BMPER: variants seen among roughly 807,000 people sequenced by gnomAD.
BMPER encodes the protein BMP-binding endothelial regulator protein.
In BMPER, 45 loss-of-function variants were observed where a neutral mutation model predicts 87.3. That is an observed-to-expected ratio of 0.52 (90% CI 0.41 to 0.66). BMPER has a LOEUF of 0.66. BMPER is among the 30% of genes least tolerant of loss of function. The pLI, the probability that BMPER is intolerant of heterozygous loss-of-function variation, is 0.00. For synonymous variants in BMPER, 326 were observed against 316.2 expected (o/e 1.03, Z -0.33); for missense variants, 784 against 867.5 (o/e 0.90, Z 1.21).
At chr7:34,075,812 A>G (rs1325960419) in intron 11 of BMPER, among the ~76,000 whole-genome samples, 1 of 152,168 alleles carries the variant, frequency 6.6e-6, no homozygotes, top group Admixed American at 6.5e-5. Context: ...TTTTGCAGCC[A>G]GGCAGATTCT....
At chr7:33,991,508 T>A (rs550717725) in intron 6 of BMPER, among the ~76,000 whole-genome samples, 85 of 152,306 alleles carry the variant, frequency 5.6e-4, no homozygotes, top group African/African-American at 2.0e-3. Context: ...CTTCTCTCTT[T>A]TTTTCTTTAT....
Position 33,966,485 on chromosome 7 carries a change from C to T in BMPER, c.326C>T (p.Thr109Ile). ...TTCTGTGTCTCCTGTCTAGGTTGCA[C>T]CTATGAAGGAAATACCTATAACAGC... ...GACCEQCKGC[T>I]YEGNTYNSSF... Residue 109 changes from threonine (T) to isoleucine (I), a missense_variant, in exon 4 of 15, where the codon ACC (threonine) becomes ATC (isoleucine). Thr to Ile is a moderately conservative substitution (Grantham distance 89). Coordinates refer to ENST00000649409, the MANE Select transcript of BMPER (RefSeq NM_001365308.1). 1.2e-6 allele frequency: 2 copies of T among 1,613,614 alleles called. No homozygotes were observed. Among genetic ancestry groups the T allele is most frequent in the South Asian group, 1.1e-5 (1 of 91,068 alleles).
At chr7:34,075,459 C>T (rs1788840080) in intron 11 of BMPER, among the ~76,000 whole-genome samples, 1 of 152,066 alleles carries the variant, frequency 6.6e-6, no homozygotes, top group African/African-American at 2.4e-5. Context: ...ATCTTTTTTA[C>T]CCCCCTTTAC....
chr7:33,981,083 C>T (rs1031863373), intron 6 of BMPER, among the ~76,000 whole-genome samples: 2 of 152,196 alleles, frequency 1.3e-5, no homozygotes, highest in African/African-American at 4.8e-5. Flanking sequence ...GTCCCTCATC[C>T]TTGTCCTCTC....
chr7:34,133,176 G>T (rs942853102), intron 13 of BMPER, among the ~76,000 whole-genome samples: 1 of 152,130 alleles, frequency 6.6e-6, no homozygotes, highest in Non-Finnish European at 1.5e-5. Flanking sequence ...ATGGAGAGGG[G>T]CTCCATTGCT....
At chr7:33,996,097 A>G (rs182611218) in intron 6 of BMPER, among the ~76,000 whole-genome samples, 33 of 152,336 alleles carry the variant, frequency 2.2e-4, no homozygotes, top group Admixed American at 2.0e-3. Context: ...CTATGAAGCT[A>G]TTTCATGCAT....
intron 11 of BMPER, among the ~76,000 whole-genome samples, chr7:34,075,457 T>A (rs1002316062): frequency 6.6e-6 from 1 of 152,208 alleles, no homozygotes; most frequent in African/African-American, 2.4e-5. Flanking sequence ...TGATCTTTTT[T>A]ACCCCCCTTT....
At chr7:33,906,673 T>C in intron 1 of BMPER, 145 bp from the exon 2 acceptor site, 2 of 738,112 alleles carry the variant, frequency 2.7e-6, no homozygotes, top group Non-Finnish European at 4.6e-6. Context: ...AGGTTTTGCT[T>C]TGGTGAATTT....
At chr7:33,958,123 A>G (rs1390231116) in intron 3 of BMPER, among the ~76,000 whole-genome samples, 3 of 152,110 alleles carry the variant, frequency 2.0e-5, no homozygotes, top group Non-Finnish European at 4.4e-5. Context: ...GCTACTATGC[A>G]CCCCAGACTA....
At chr7:33,905,827 GATGGGA>G in intron 1 of BMPER, 81 bp downstream of exon 1, 93 of 529,126 alleles carry the variant, frequency 1.8e-4, no homozygotes, top group East Asian at 3.0e-4. Flanking sequence ...TTGCCCCGGG[GATGGGA>G]GGGTGGGGAG....
In BMPER at chr7:34,143,332, C is replaced by T; in HGVS notation, c.1848C>T (p.Val616=). The T allele has an allele frequency of 6.2e-7, 1 of 1,613,992 alleles. No individual in the cohort carries two copies. Among genetic ancestry groups the T allele is most frequent in the Non-Finnish European group, 8.5e-7 (1 of 1,179,944 alleles). ...TRACQREGIK[V]HWEPQQNCAA... The stretch of plus-strand genomic sequence containing the variant: ...CCTGCCAGAGAGAGGGCATCAAAGT[C>T]CACTGGGAGCCTCAGCAGAATTGTG... The change falls in exon 14 of 15, where the codon GTC becomes GTT. Residue 616 remains valine (V), a synonymous_variant. Coordinates refer to ENST00000649409, the MANE Select transcript of BMPER (RefSeq NM_001365308.1).
chr7:34,121,062 T>C (rs1790253463), intron 13 of BMPER, among the ~76,000 whole-genome samples: 1 of 151,070 alleles, frequency 6.6e-6, no homozygotes, highest in Non-Finnish European at 1.5e-5. Flanking sequence ...TATATTTACT[T>C]ATTTAATGTA....
Position 34,046,212 on chromosome 7 carries a change from T to C in BMPER, c.577-94T>C, listed in dbSNP as rs750502451. ...CAGTCAGTCTAGGGACCTAATACTA[T>C]GGAAGGGCCTTAGGTTTGTTCTAGA... On this transcript the variant is annotated intron_variant, in intron 6 of 14. Coordinates refer to ENST00000649409, the MANE Select transcript of BMPER (RefSeq NM_001365308.1). 1.6e-3 allele frequency: 1,881 copies of C among 1,208,314 alleles called. 4 individuals carry two copies. Among genetic ancestry groups the C allele is most frequent in the Middle Eastern group, 2.2e-3 (9 of 4,122 alleles). The allele number at this position is 1,208,314 out of a possible 1,614,324, so 74.8% of individuals were successfully genotyped here. A position where few individuals can be genotyped will look rare whatever the true frequency, so the allele number is the denominator to read the frequency against.
intron 6 of BMPER, among the ~76,000 whole-genome samples, chr7:34,024,387 ATATATATATATATATATATAT>A (rs1787296928): frequency 8.4e-4 from 5 of 5,930 alleles, no homozygotes; most frequent in East Asian, 5.0e-3. Flanking sequence ...AAAAAACAAT[ATATATATATATATATATATAT>A]ATATATATAT....
chr7:33,994,677 A>G (rs532118614), intron 6 of BMPER, among the ~76,000 whole-genome samples: 2 of 152,114 alleles, frequency 1.3e-5, no homozygotes, highest in African/African-American at 4.8e-5. Flanking sequence ...CTGTTAGATT[A>G]TTCTGATTGA....
intron 6 of BMPER, among the ~76,000 whole-genome samples, chr7:34,025,512 A>C (rs1419253554): frequency 2.0e-5 from 3 of 152,038 alleles, no homozygotes; most frequent in African/African-American, 7.2e-5. Context: ...GGCAAGTGTC[A>C]GATCCTCTTT....
At chr7:34,034,220 A>G (rs985557457) in intron 6 of BMPER, among the ~76,000 whole-genome samples, 1 of 152,168 alleles carries the variant, frequency 6.6e-6, no homozygotes, top group Non-Finnish European at 1.5e-5. Flanking sequence ...ATTTAATATA[A>G]CTTATTGGCC....
At chr7:33,907,018 A>T (rs1464953680) in intron 2 of BMPER, 115 bp downstream of exon 2, 4 of 965,652 alleles carry the variant, frequency 4.1e-6, no homozygotes, top group Non-Finnish European at 6.5e-6. Flanking sequence ...ACAAAATTGC[A>T]CATAACTGTA....
chr7:33,955,428 C>T (rs376711980), intron 3 of BMPER, among the ~76,000 whole-genome samples: 1 of 152,264 alleles, frequency 6.6e-6, no homozygotes, highest in African/African-American at 2.4e-5. Flanking sequence ...AGTCTCAGCT[C>T]AGACTTTCCA....
Sources: allele counts gnomAD v4.1 joint callset (sites outside exome capture counted in the v4.1 genomes callset), GRCh38; gene constraint gnomAD v4.1.1; transcripts MANE v1.5; gene names NCBI Gene and HGNC (gene_info 2026-07-23, HGNC 2026-07-21).